SPOCK1: variants seen among roughly 807,000 people sequenced by gnomAD.
The protein encoded by SPOCK1 is SPARC (osteonectin), cwcv and kazal like domains proteoglycan 1, also known as testican-1.
SPOCK1 carries 23 observed loss-of-function variants against 55.3 expected under a neutral mutation model. That is an observed-to-expected ratio of 0.42 (90% CI 0.30 to 0.59). The LOEUF (loss-of-function observed/expected upper bound fraction) is 0.59. SPOCK1 is among the 20% of genes least tolerant of loss of function. The probability of loss-of-function intolerance (pLI) is 0.22; values close to 1 mark genes in which losing one functional copy is unlikely to be tolerated. For missense variants in SPOCK1, 499 were observed against 552.5 expected, an observed-to-expected ratio of 0.90 and a Z score of 0.97; for synonymous variants, 226 against 221.0, an observed-to-expected ratio of 1.02 and a Z score of -0.20.
intron 2 of SPOCK1, among the ~76,000 whole-genome samples, chr5:137,483,197 G>A (rs919192538): frequency 1.2e-4 from 18 of 152,202 alleles, no homozygotes; most frequent in Admixed American, 1.1e-3. Flanking sequence ...GTCAGGCGTA[G>A]TGGTAGGCAC....
At position 137,441,092 on chromosome 5, in the gene SPOCK1, A is replaced by G. The variant is rs576706583; in HGVS notation, c.186+57281T>C. Among the ~76,000 whole-genome samples the G allele has an allele frequency of 3.3e-5, 5 of 152,342 alleles. 1 individual carries two copies. Among genetic ancestry groups the G allele is most frequent in the Middle Eastern group, 6.8e-3 (2 of 294 alleles). On this transcript the variant is annotated intron_variant, in intron 2 of 10. Coordinates refer to ENST00000394945, the MANE Select transcript of SPOCK1 (RefSeq NM_004598.4). ...AACATCCGTCACAACTCTTCCTGTG[A>G]TTCTGGATAGAAATAGGTGAGTCAC...
At chr5:137,244,992 T>C (rs1355722392) in intron 3 of SPOCK1, among the ~76,000 whole-genome samples, 4 of 152,212 alleles carry the variant, frequency 2.6e-5, no homozygotes, top group Admixed American at 2.6e-4. Context: ...AGAAAATTGC[T>C]CATAGAAATG....
intron 6 of SPOCK1, among the ~76,000 whole-genome samples, chr5:136,995,601 G>A (rs569284180): frequency 1.1e-4 from 16 of 152,246 alleles, no homozygotes; most frequent in African/African-American, 2.9e-4. Context: ...ATTGCCATGC[G>A]CACCATCTAT....
intron 5 of SPOCK1, among the ~76,000 whole-genome samples, chr5:137,101,922 G>T (rs1411573208): frequency 6.6e-6 from 1 of 152,160 alleles, no homozygotes; most frequent in Non-Finnish European, 1.5e-5. Flanking sequence ...TTCCTCTTCA[G>T]CTAAACAACA....
chr5:137,187,474 G>A (rs1755091544), intron 3 of SPOCK1, among the ~76,000 whole-genome samples: 1 of 151,986 alleles, frequency 6.6e-6, no homozygotes. Context: ...ACTCCAATCA[G>A]ACCCCTTCTC....
At chr5:137,351,463 T>C (rs1283372486) in intron 2 of SPOCK1, among the ~76,000 whole-genome samples, 3 of 152,200 alleles carry the variant, frequency 2.0e-5, no homozygotes, top group East Asian at 3.9e-4. Context: ...CACAATCCGC[T>C]TGTTGTCCAT....
At chr5:137,310,035 G>A (rs1305872605) in intron 2 of SPOCK1, among the ~76,000 whole-genome samples, 1 of 152,054 alleles carries the variant, frequency 6.6e-6, no homozygotes, top group African/African-American at 2.4e-5. Flanking sequence ...AGGCACAAAA[G>A]CCTAAAGAGA....
At chr5:137,077,246 CA>C (rs1752787470) in intron 5 of SPOCK1, among the ~76,000 whole-genome samples, 1 of 152,224 alleles carries the variant, frequency 6.6e-6, no homozygotes, top group African/African-American at 2.4e-5. Context: ...ATTTTTAATT[CA>C]ACCCCTTCAC....
intron 2 of SPOCK1, among the ~76,000 whole-genome samples, chr5:137,408,745 C>T (rs1281563437): frequency 6.6e-6 from 1 of 152,168 alleles, no homozygotes; most frequent in African/African-American, 2.4e-5. Context: ...CCAGCCTCCA[C>T]CAACAGCCAA....
chr5:137,400,840 C>A (rs547978358), intron 2 of SPOCK1, among the ~76,000 whole-genome samples: 1 of 152,134 alleles, frequency 6.6e-6, no homozygotes, highest in Non-Finnish European at 1.5e-5. Flanking sequence ...AGGAAAAGTG[C>A]GGATCAGAGA....
At chr5:137,258,099 C>A (rs970156023) in intron 3 of SPOCK1, among the ~76,000 whole-genome samples, 6 of 152,212 alleles carry the variant, frequency 3.9e-5, no homozygotes, top group Non-Finnish European at 7.3e-5. Flanking sequence ...GCTTTCTTGC[C>A]TTTTTCATGT....
chr5:137,422,367 C>T (rs953947404), intron 2 of SPOCK1, among the ~76,000 whole-genome samples: 73 of 152,270 alleles, frequency 4.8e-4, no homozygotes, highest in African/African-American at 1.6e-3. Context: ...CTGGATAATA[C>T]CCTGCAGAGT....
rs141325417 is a variant in SPOCK1 at position 137,008,295 on chromosome 5, TACACACAC to T, written c.590-15703_590-15696del. ...CCAGAACTTAAAGTATAATAATAAA[TACACACAC>T]ACACACACACACACACACACACACA... On this transcript the variant is annotated intron_variant, in intron 6 of 10. Transcript: ENST00000394945. 2.4e-3 allele frequency among the ~76,000 whole-genome samples: 335 copies of T among 138,412 alleles called. 1 individual carries two copies. Among genetic ancestry groups the T allele is most frequent in the African/African-American group, 6.6e-3 (248 of 37,652 alleles). The allele number at this position is 138,412 out of a possible 152,430, so 90.8% of individuals were successfully genotyped here.
chr5:137,217,812 C>A (rs942050221), intron 3 of SPOCK1, among the ~76,000 whole-genome samples: 5 of 152,154 alleles, frequency 3.3e-5, no homozygotes, highest in African/African-American at 1.2e-4. Context: ...GAAATTACAG[C>A]TCCGAGAAGC....
intron 2 of SPOCK1, among the ~76,000 whole-genome samples, chr5:137,336,381 C>T (rs1224802504): frequency 2.6e-5 from 4 of 152,206 alleles, no homozygotes; most frequent in Non-Finnish European, 5.9e-5. Flanking sequence ...GTGGGCAGCA[C>T]AGCTGACCCA....
At chr5:137,052,564 C>A (rs1561591847) in intron 6 of SPOCK1, among the ~76,000 whole-genome samples, 2 of 151,924 alleles carry the variant, frequency 1.3e-5, no homozygotes, top group African/African-American at 2.4e-5. Flanking sequence ...AAGGTGTGTG[C>A]AAAATTAATA....
At chr5:137,339,301 A>G (rs1580874133) in intron 2 of SPOCK1, among the ~76,000 whole-genome samples, 1 of 152,248 alleles carries the variant, frequency 6.6e-6, no homozygotes, top group Non-Finnish European at 1.5e-5. Flanking sequence ...CAACTAATGC[A>G]CTGCATTTTC....
intron 2 of SPOCK1, among the ~76,000 whole-genome samples, chr5:137,323,400 G>C (rs956457819): frequency 5.9e-5 from 9 of 152,068 alleles, no homozygotes; most frequent in Non-Finnish European, 1.3e-4. Context: ...TAGACTTTAA[G>C]TCAAAAACTG....
chr5:137,350,152 A>G (rs1326927692), intron 2 of SPOCK1, among the ~76,000 whole-genome samples: 1 of 152,166 alleles, frequency 6.6e-6, no homozygotes, highest in Non-Finnish European at 1.5e-5. Context: ...GGCATTGCTG[A>G]AGCCACAGAC....
Sources: gnomAD v4.1 joint callset for allele counts (sites outside exome capture counted in the v4.1 genomes callset) on GRCh38, gnomAD v4.1.1 for gene constraint, MANE v1.5 for transcripts, NCBI Gene and HGNC (gene_info 2026-07-23, HGNC 2026-07-21) for gene names.